Variants in CD99L2 observed in about 807,000 individuals in gnomAD.
CD99L2 encodes CD99 molecule like 2.
A neutral mutation model predicts 27.3 loss-of-function variants in CD99L2; 24 were observed. The observed-to-expected ratio is 0.88, with a 90% CI of 0.64 to 1.24. The LOEUF (loss-of-function observed/expected upper bound fraction) is 1.24, where lower values mean the gene tolerates loss of function less well. CD99L2 is among the 50% of genes most tolerant of loss of function. CD99L2 has a pLI of 0.00. For synonymous variants in CD99L2, 97 were observed against 87.9 expected, an observed-to-expected ratio of 1.10 and a Z score of -0.58; for missense variants, 255 against 221.6, an observed-to-expected ratio of 1.15 and a Z score of -0.96.
chrX:150,894,829 T>C (rs917265037), intron 1 of CD99L2, among the ~76,000 whole-genome samples: 1 of 110,972 alleles, frequency 9.0e-6, no homozygotes, highest in Non-Finnish European at 1.9e-5. Context: ...GCTCAAGTAA[T>C]CTGGCCACCT....
intron 1 of CD99L2, among the ~76,000 whole-genome samples, chrX:150,873,892 A>G (rs1376038871): frequency 1.1e-4 from 12 of 112,444 alleles, no homozygotes; most frequent in Admixed American, 7.5e-4. Flanking sequence ...CCCTGCTTGA[A>G]CACAAGTTCT....
intron 9 of CD99L2, among the ~76,000 whole-genome samples, chrX:150,771,279 G>T (rs370574137): frequency 8.9e-6 from 1 of 112,853 alleles, no homozygotes; most frequent in African/African-American, 3.2e-5. Flanking sequence ...TGCCTGCCCC[G>T]GTGGCTGCTG....
intron 1 of CD99L2, among the ~76,000 whole-genome samples, chrX:150,881,610 C>T (rs1557422491): frequency 6.2e-5 from 7 of 112,181 alleles, no homozygotes. Flanking sequence ...AGGGAACTGA[C>T]CAGGAATGGT....
At chrX:150,897,965 C>G (rs1248528522) in intron 1 of CD99L2, among the ~76,000 whole-genome samples, 1 of 107,912 alleles carries the variant, frequency 9.3e-6, no homozygotes, top group Non-Finnish European at 1.9e-5. Context: ...TTTCTCTCTC[C>G]TGCTCCTTGG....
chrX:150,854,353 ATGCAAAAC>A (rs2124301190), intron 1 of CD99L2, among the ~76,000 whole-genome samples: 1 of 111,925 alleles, frequency 8.9e-6, no homozygotes, highest in South Asian at 3.8e-4. Flanking sequence ...CCATAACAAG[ATGCAAAAC>A]TGCTTAGGAA....
chrX:150,815,696 C>T (rs782330176), intron 3 of CD99L2, among the ~76,000 whole-genome samples: 2 of 112,098 alleles, frequency 1.8e-5, no homozygotes, highest in South Asian at 3.7e-4. Context: ...AATGCTTGAT[C>T]GGCTTCATAA....
At chrX:150,788,550 A>G (rs1557419633) in intron 7 of CD99L2, among the ~76,000 whole-genome samples, 1 of 111,718 alleles carries the variant, frequency 9.0e-6, no homozygotes, top group Admixed American at 9.5e-5. Flanking sequence ...TAGATTCAAA[A>G]GATACCAGGG....
intron 1 of CD99L2, among the ~76,000 whole-genome samples, chrX:150,881,531 G>C (rs1461868536): frequency 2.7e-5 from 3 of 112,522 alleles, no homozygotes; most frequent in Non-Finnish European, 5.6e-5. Context: ...GTCAGTGCCC[G>C]CATCACCATT....
intron 4 of CD99L2, among the ~76,000 whole-genome samples, chrX:150,801,041 A>C (rs2045897649): frequency 9.1e-6 from 1 of 110,409 alleles, no homozygotes; most frequent in Non-Finnish European, 1.9e-5. Flanking sequence ...CAAAAAAAAA[A>C]ACAAAAAAAC....
In CD99L2 at chrX:150,769,097, T is replaced by A. The variant is rs782392185; in HGVS notation, c.726A>T (p.Lys242Asn). 3.4e-6 allele frequency: 4 copies of A among 1,161,921 alleles called. No homozygotes were observed. The East Asian group carries it at 1.0e-4, about 29-fold the overall frequency. The change falls in exon 11 of 11, where the codon AAA (lysine) becomes AAT (asparagine). Residue 242 changes from lysine to asparagine, a missense_variant. By Grantham distance (94) the Lys-to-Asn change is moderately conservative (BLOSUM62 0). Transcript: ENST00000370377. ...EAVVCEEPQVKYSTLHTQSAE... is the reference protein window; with the variant it reads ...EAVVCEEPQVNYSTLHTQSAE... ...CAGACTGCGTGTGCAACGTGGAGTA[T>A]TTCACTAGGGGAAAAAGAGGCCGTC... is the stretch of plus-strand genomic sequence containing the variant.
chrX:150,804,001 TC>T (rs1557420163), intron 4 of CD99L2, among the ~76,000 whole-genome samples: 2 of 111,911 alleles, frequency 1.8e-5, no homozygotes. Flanking sequence ...GGACAAGTCA[TC>T]CAGACAGAAA....
At position 150,793,724 on chromosome X, in the gene CD99L2, C is replaced by A. The variant is rs782205280; in HGVS notation, c.463G>T (p.Gly155Trp). Residue 155 changes from glycine (G) to tryptophan (W), a missense_variant, in exon 7 of 11, where the codon GGG becomes TGG. Transcript: ENST00000370377. ...FSDKDLEDIV[G>W]GGEYKPDKGK... is the part of the protein sequence containing the mutation. ...TTGTCAGGTTTGTATTCTCCACCCC[C>A]TACTATGTCTTCAAGATCCTTGTCT... 29 of 1,197,903 alleles carry A rather than the reference C, an allele frequency of 2.4e-5. No homozygotes were observed. The highest frequency in any genetic ancestry group is 3.1e-5 in the Non-Finnish European group (28 of 889,760).
chrX:150,794,498 G>A (rs2045756095), intron 6 of CD99L2, among the ~76,000 whole-genome samples: 1 of 112,334 alleles, frequency 8.9e-6, no homozygotes, highest in East Asian at 2.8e-4. Flanking sequence ...CTGACACAAG[G>A]AAGCAGAAAA....
intron 1 of CD99L2, among the ~76,000 whole-genome samples, chrX:150,884,656 C>T: frequency 8.9e-6 from 1 of 111,943 alleles, no homozygotes; most frequent in Non-Finnish European, 1.9e-5. Context: ...GCACTCCAGC[C>T]TGGGCAGCAG....
At chrX:150,896,734 T>A (rs2047617379) in intron 1 of CD99L2, among the ~76,000 whole-genome samples, 1 of 112,235 alleles carries the variant, frequency 8.9e-6, no homozygotes, top group Non-Finnish European at 1.9e-5. Context: ...GGTCCCTAAG[T>A]AGTCGAAGTG....
chrX:150,772,312 C>G (rs144677455), intron 9 of CD99L2, among the ~76,000 whole-genome samples: 260 of 112,573 alleles, frequency 2.3e-3, no homozygotes, highest in Middle Eastern at 0.014. Context: ...CCGGCCCAAT[C>G]CCGCCCCATG....
At chrX:150,860,815 A>G (rs1201026573) in intron 1 of CD99L2, among the ~76,000 whole-genome samples, 14 of 111,646 alleles carry the variant, frequency 1.3e-4, no homozygotes, top group African/African-American at 4.6e-4. Flanking sequence ...AGAGTACACA[A>G]ACAAATGGAA....
At chrX:150,842,173 A>C (rs1482987084) in intron 1 of CD99L2, among the ~76,000 whole-genome samples, 1 of 112,205 alleles carries the variant, frequency 8.9e-6, no homozygotes, top group Non-Finnish European at 1.9e-5. Flanking sequence ...TAATGAGCTG[A>C]TAATACTTCT....
chrX:150,850,193 G>A (rs2046768097), intron 1 of CD99L2, among the ~76,000 whole-genome samples: 1 of 111,932 alleles, frequency 8.9e-6, no homozygotes, highest in Non-Finnish European at 1.9e-5. Flanking sequence ...GTTGGAGAGG[G>A]AAGCAGGAGG....
Sources: allele counts gnomAD v4.1 joint callset (sites outside exome capture counted in the v4.1 genomes callset), GRCh38; gene constraint gnomAD v4.1.1; transcripts MANE v1.5; gene names NCBI Gene and HGNC (gene_info 2026-07-23, HGNC 2026-07-21).